CRB1: variants seen among roughly 807,000 people sequenced by gnomAD.
CRB1 encodes crumbs cell polarity complex component 1, also known as protein crumbs homolog 1.
CRB1 carries 83 observed loss-of-function variants against 120.0 expected under a neutral mutation model. The ratio of observed to expected loss-of-function variants is 0.69; its 90% CI spans 0.58 to 0.83. CRB1 has a LOEUF of 0.83. Ranked by LOEUF, CRB1 falls within the 40% of genes least tolerant of loss-of-function variation. CRB1 has a pLI of 0.00. For synonymous variants in CRB1, 625 were observed against 612.5 expected, an observed-to-expected ratio of 1.02 and a Z score of -0.30; for missense variants, 1,699 against 1,687.6, an observed-to-expected ratio of 1.01 and a Z score of -0.12.
the CRB1 span, among the ~76,000 whole-genome samples, chr1:197,245,386 A>G: frequency 2.6e-5 from 4 of 152,012 alleles, no homozygotes; most frequent in Admixed American, 2.6e-4. Flanking sequence ...AGTCCCAGAT[A>G]CTCAAGAGGC....
intron 11 of CRB1, among the ~76,000 whole-genome samples, chr1:197,458,842 T>C (rs1410380814): frequency 6.6e-6 from 1 of 152,034 alleles, no homozygotes; most frequent in Non-Finnish European, 1.5e-5. Flanking sequence ...CTACAAAACA[T>C]CCTGAAAACA....
At chr1:197,443,622 T>C (rs935144871) in intron 11 of CRB1, 52 of 151,910 alleles carry the variant, frequency 3.4e-4, no homozygotes, top group African/African-American at 1.3e-3. Context: ...AAATTTATTT[T>C]CTTAAGTATC....
chr1:197,422,033 G>T (rs1259218875), intron 6 of CRB1, 77 bp downstream of exon 6: 10 of 1,310,570 alleles, frequency 7.6e-6, no homozygotes, highest in Non-Finnish European at 1.1e-5. Context: ...CAGCCAGACT[G>T]CTTCTGCCTG....
intron 1 of CRB1, among the ~76,000 whole-genome samples, chr1:197,322,673 T>C (rs1216284571): frequency 1.3e-5 from 2 of 152,106 alleles, no homozygotes; most frequent in Admixed American, 1.3e-4. Flanking sequence ...TTAAGTGTAG[T>C]ATGTGGACCA....
At chr1:197,352,831 T>C (rs1388404724) in intron 4 of CRB1, among the ~76,000 whole-genome samples, 1 of 152,198 alleles carries the variant, frequency 6.6e-6, no homozygotes, top group Non-Finnish European at 1.5e-5. Context: ...TATGATCTCA[T>C]TTAGGTGTTT....
chr1:197,381,240 T>C (rs540737989), intron 5 of CRB1, among the ~76,000 whole-genome samples: 5 of 152,324 alleles, frequency 3.3e-5, no homozygotes, highest in Admixed American at 2.0e-4. Flanking sequence ...TCAGGCATTA[T>C]GCATTGGGAG....
chr1:197,248,939 TA>T, the CRB1 span, among the ~76,000 whole-genome samples: 1 of 151,948 alleles, frequency 6.6e-6, no homozygotes, highest in Admixed American at 6.6e-5. Context: ...TTCTCAAAAT[TA>T]AAAAGATAAA....
intron 5 of CRB1, among the ~76,000 whole-genome samples, chr1:197,396,054 C>T (rs893603193): frequency 2.6e-5 from 4 of 152,056 alleles, no homozygotes; most frequent in Non-Finnish European, 2.9e-5. Context: ...AATTAAAACC[C>T]CCTCTATTAA....
intron 5 of CRB1, among the ~76,000 whole-genome samples, chr1:197,398,055 A>G (rs1474453910): frequency 6.6e-6 from 1 of 152,176 alleles, no homozygotes; most frequent in Non-Finnish European, 1.5e-5. Flanking sequence ...TCCAGTTTCT[A>G]TCTCCACCAC....
chr1:197,383,826 T>C (rs1366792958), intron 5 of CRB1, among the ~76,000 whole-genome samples: 1 of 152,194 alleles, frequency 6.6e-6, no homozygotes, highest in African/African-American at 2.4e-5. Context: ...ACCAGTTTAA[T>C]TGGAACTATA....
intron 11 of CRB1, among the ~76,000 whole-genome samples, chr1:197,476,399 C>T (rs974748072): frequency 6.2e-5 from 9 of 144,918 alleles, no homozygotes; most frequent in African/African-American, 1.5e-4. Flanking sequence ...TGTGTGTGTG[C>T]GCGTCTTCCT....
intron 2 of CRB1, among the ~76,000 whole-genome samples, chr1:197,333,334 T>C (rs775212728): frequency 6.6e-6 from 1 of 152,206 alleles, no homozygotes; most frequent in Non-Finnish European, 1.5e-5. Flanking sequence ...AAACTCCAAT[T>C]GAAGCTGAAA....
chr1:197,377,626 G>A (rs1051969190), intron 5 of CRB1, among the ~76,000 whole-genome samples: 3 of 152,122 alleles, frequency 2.0e-5, no homozygotes, highest in African/African-American at 4.8e-5. Context: ...TTTGAAAAAT[G>A]TGTTCTCCTT....
intron 1 of CRB1, among the ~76,000 whole-genome samples, chr1:197,276,782 G>C (rs1259597222): frequency 6.6e-6 from 1 of 151,774 alleles, no homozygotes; most frequent in Non-Finnish European, 1.5e-5. Flanking sequence ...AAGGTGTCAG[G>C]GGTTTTACAA....
the CRB1 span, among the ~76,000 whole-genome samples, chr1:197,255,965 T>TTATATATATATATA: frequency 0.025 from 2,134 of 85,026 alleles, 73 homozygotes; most frequent in Non-Finnish European, 0.04. Flanking sequence ...ATAGAACATT[T>TTATATATATATATA]TATATATATA....
intron 11 of CRB1, among the ~76,000 whole-genome samples, chr1:197,451,310 T>C (rs1459486552): frequency 1.3e-5 from 2 of 152,148 alleles, no homozygotes; most frequent in Non-Finnish European, 2.9e-5. Context: ...AACAAAATTA[T>C]GGGCCAGGTG....
intron 1 of CRB1, among the ~76,000 whole-genome samples, chr1:197,313,401 G>T (rs1657663917): frequency 6.6e-6 from 1 of 152,126 alleles, no homozygotes. Context: ...GATCAAATTA[G>T]GCCAATTGAG....
chr1:197,308,089 T>C (rs185433981), intron 1 of CRB1, among the ~76,000 whole-genome samples: 1 of 152,232 alleles, frequency 6.6e-6, no homozygotes, highest in Admixed American at 6.5e-5. Context: ...ATATATACCA[T>C]GGAATACTAC....
At chr1:197,392,114 T>C (rs1474211508) in intron 5 of CRB1, among the ~76,000 whole-genome samples, 4 of 151,954 alleles carry the variant, frequency 2.6e-5, no homozygotes, top group Non-Finnish European at 5.9e-5. Context: ...CTGGGTAGCT[T>C]CTCACTACAT....
Sources: allele counts gnomAD v4.1 joint callset (sites outside exome capture counted in the v4.1 genomes callset), GRCh38; gene constraint gnomAD v4.1.1; transcripts MANE v1.5; gene names NCBI Gene and HGNC (gene_info 2026-07-23, HGNC 2026-07-21).